Variants in PAPOLG observed in about 807,000 individuals in gnomAD.
The protein encoded by PAPOLG is poly(A) polymerase gamma.
A neutral mutation model predicts 99.0 loss-of-function variants in PAPOLG; 40 were observed. That is an observed-to-expected ratio of 0.40 (90% CI 0.31 to 0.53). The LOEUF is 0.53. Among genes scored for constraint, PAPOLG ranks in the 20% least tolerant of loss-of-function variants. The pLI is 0.41. For synonymous variants in PAPOLG, 310 were observed against 299.3 expected (o/e 1.04, Z -0.37); for missense variants, 675 against 884.1 (o/e 0.76, Z 3.00).
chr2:60,762,764 C>A (rs189066132), intron 3 of PAPOLG, among the ~76,000 whole-genome samples: 16 of 151,682 alleles, frequency 1.1e-4, no homozygotes, highest in African/African-American at 3.9e-4. Flanking sequence ...GTAGCTGGGA[C>A]TACAGACGTG....
intron 15 of PAPOLG, among the ~76,000 whole-genome samples, chr2:60,790,348 G>T (rs1167029472): frequency 2.0e-5 from 3 of 152,070 alleles, no homozygotes; most frequent in Non-Finnish European, 4.4e-5. Flanking sequence ...GAAACTTGAG[G>T]CCCCAAGAGA....
rs1255933484 is a variant in PAPOLG, at chr2:60,801,005, A to G, written c.*3845A>G. The G allele has an allele frequency of 6.6e-6, 1 of 152,328 alleles. No individual in the cohort carries two copies. The highest frequency in any genetic ancestry group is 2.4e-5 in the African/African-American group (1 of 41,444). The allele number at this position is 152,328 out of a possible 1,614,324, so 9.4% of individuals were successfully genotyped here. A position where few individuals can be genotyped will look rare whatever the true frequency, so the allele number is the denominator to read the frequency against. On this transcript the variant is annotated 3_prime_UTR_variant, in exon 22 of 22. Transcript: ENST00000238714. ...TATTTAGAAAAATGCTTAATCTCAG[A>G]TTTACAGATGGCCTCATGATAACTT...
intron 11 of PAPOLG, 122 bp downstream of exon 11, chr2:60,782,127 C>A: frequency 1.9e-6 from 2 of 1,055,892 alleles, no homozygotes; most frequent in Non-Finnish European, 2.7e-6. Flanking sequence ...AAAATTCTTT[C>A]AAGTATGGTT....
intron 1 of PAPOLG, 141 bp downstream of exon 1, chr2:60,756,636 G>C (rs989051052): frequency 1.1e-6 from 1 of 933,640 alleles, no homozygotes; most frequent in Non-Finnish European, 1.6e-6. Context: ...CTCCCGGCCG[G>C]TCCGCAAGGG....
intron 19 of PAPOLG, chr2:60,794,435 C>G (rs1369942601): frequency 1.7e-6 from 1 of 574,770 alleles, no homozygotes. Context: ...AACAAAATCT[C>G]ATTTCTTGTG....
intron 8 of PAPOLG, 40 bp downstream of exon 8, chr2:60,775,163 C>T (rs1258434164): frequency 1.9e-6 from 3 of 1,571,876 alleles, no homozygotes; most frequent in South Asian, 2.4e-5. Context: ...TTATAAAATT[C>T]TAATTTTCTC....
Position 60,792,186 on chromosome 2 carries a change from C to T in PAPOLG, c.1576C>T (p.Leu526=). The change falls in exon 17 of 22, where the codon CTG becomes TTG. Residue 526 remains leucine (L), a synonymous_variant. Transcript: ENST00000238714. ...CGGACTTCAATCCAAAAGATTGTCT[C>T]TGGATAGCAGTTGTCTGGATAGCTC... The part of the protein sequence containing the change: ...SGGLQSKRLS[L]DSSCLDSSRD... The T allele has an allele frequency of 6.2e-7, 1 of 1,604,346 alleles. No homozygotes were observed. Among genetic ancestry groups the T allele is most frequent in the African/African-American group, 1.3e-5 (1 of 74,388 alleles).
chr2:60,759,304 G>A (rs1670452023), intron 1 of PAPOLG, among the ~76,000 whole-genome samples: 1 of 151,714 alleles, frequency 6.6e-6, no homozygotes, highest in Non-Finnish European at 1.5e-5. Flanking sequence ...GGAGGCAGAG[G>A]TTGCAGTGAG....
intron 1 of PAPOLG, among the ~76,000 whole-genome samples, chr2:60,759,086 T>C (rs189829697): frequency 6.1e-4 from 93 of 152,268 alleles, no homozygotes; most frequent in African/African-American, 2.0e-3. Flanking sequence ...GAACTTGAAT[T>C]GGCTGAGCGC....
chr2:60,758,449 C>T (rs549117225), intron 1 of PAPOLG, among the ~76,000 whole-genome samples: 154 of 112,428 alleles, frequency 1.4e-3, no homozygotes, highest in African/African-American at 4.9e-3. Flanking sequence ...TTTTTTGAGA[C>T]GGAGTTTCGC....
chr2:60,784,620 A>G (rs1431814006), intron 13 of PAPOLG, among the ~76,000 whole-genome samples: 2 of 152,194 alleles, frequency 1.3e-5, no homozygotes, highest in African/African-American at 2.4e-5. Flanking sequence ...AATTAAAGGA[A>G]CTCTGAAAAT....
chr2:60,791,077 A>C (rs1017478095), intron 15 of PAPOLG, among the ~76,000 whole-genome samples: 17 of 150,528 alleles, frequency 1.1e-4, no homozygotes, highest in African/African-American at 4.1e-4. Context: ...TGACAGAGCG[A>C]GAGTCTGTGT....
At chr2:60,759,374 A>AAT (rs1670454778) in intron 1 of PAPOLG, among the ~76,000 whole-genome samples, 1 of 152,060 alleles carries the variant, frequency 6.6e-6, no homozygotes, top group Non-Finnish European at 1.5e-5. Flanking sequence ...TCTCAAAAAA[A>AAT]AAAAGAAAAA....
intron 10 of PAPOLG, among the ~76,000 whole-genome samples, chr2:60,781,049 A>G (rs1671172933): frequency 6.6e-6 from 1 of 152,156 alleles, no homozygotes; most frequent in South Asian, 2.1e-4. Context: ...TGTGGAAAAA[A>G]TGTCTCAAAA....
chr2:60,791,739 T>G (rs1671542069), intron 15 of PAPOLG, 22 bp from the exon 16 acceptor site: 1 of 1,573,880 alleles, frequency 6.4e-7, no homozygotes, highest in Admixed American at 2.0e-5. Context: ...GTTTCCCATT[T>G]AACATATTAA....
intron 1 of PAPOLG, among the ~76,000 whole-genome samples, chr2:60,757,176 G>A (rs1670372533): frequency 6.6e-6 from 1 of 152,132 alleles, no homozygotes; most frequent in South Asian, 2.1e-4. Context: ...ATCATTTGTG[G>A]AGCCACCACC....
At chr2:60,756,964 C>T (rs1045019759) in intron 1 of PAPOLG, among the ~76,000 whole-genome samples, 13 of 152,054 alleles carry the variant, frequency 8.5e-5, no homozygotes, top group African/African-American at 2.7e-4. Flanking sequence ...AGGCTACAGT[C>T]TTTTCACCGC....
chr2:60,796,632 A>G (rs1229041744), intron 21 of PAPOLG, among the ~76,000 whole-genome samples: 1 of 152,154 alleles, frequency 6.6e-6, no homozygotes, highest in Non-Finnish European at 1.5e-5. Context: ...TGAGGGACAT[A>G]ACTCTCAGAT....
In PAPOLG at chr2:60,797,187, C is replaced by G. The variant is rs755247604; in HGVS notation, c.*27C>G. The G allele has an allele frequency of 1.1e-5, 17 of 1,611,736 alleles. No homozygotes were observed. Among genetic ancestry groups the G allele is most frequent in the Admixed American group, 8.3e-5 (5 of 59,922 alleles). ...AGCAGTGCCTCCTCACTTAAGTGAA[C>G]AAGCAATCATTTAGTGGCATAGATG... On this transcript the variant is annotated 3_prime_UTR_variant, in exon 22 of 22. Coordinates refer to ENST00000238714, the MANE Select transcript of PAPOLG (RefSeq NM_022894.4).
Sources: gnomAD v4.1 joint callset for allele counts (sites outside exome capture counted in the v4.1 genomes callset) on GRCh38, gnomAD v4.1.1 for gene constraint, MANE v1.5 for transcripts, NCBI Gene and HGNC (gene_info 2026-07-23, HGNC 2026-07-21) for gene names.